The following CDH22 variants were observed in gnomAD, a reference collection of about 807,000 sequenced individuals.
CDH22 encodes the protein cadherin 22.
In CDH22, 30 loss-of-function variants were observed where a neutral mutation model predicts 58.4. The ratio of observed to expected loss-of-function variants is 0.51; its 90% CI spans 0.38 to 0.70. The LOEUF (loss-of-function observed/expected upper bound fraction) is 0.70, where lower values mean the gene tolerates loss of function less well. Among genes scored for constraint, CDH22 ranks in the 30% least tolerant of loss-of-function variants. The pLI is 0.00. For synonymous variants in CDH22, 513 were observed against 558.2 expected (o/e 0.92, Z 1.14); for missense variants, 1,014 against 1,233.9 (o/e 0.82, Z 2.67).
intron 10 of CDH22, among the ~76,000 whole-genome samples, chr20:46,186,215 A>G (rs901880221): frequency 6.6e-6 from 1 of 151,434 alleles, no homozygotes; most frequent in African/African-American, 2.4e-5. Context: ...AAAAAAAAAA[A>G]AAAAAATCAA....
intron 7 of CDH22, among the ~76,000 whole-genome samples, chr20:46,206,816 T>C (rs755991642): frequency 6.6e-6 from 1 of 152,208 alleles, no homozygotes; most frequent in Non-Finnish European, 1.5e-5. Context: ...TGTTTTATCA[T>C]CTCTGCTTCC....
rs145352166 is a variant in CDH22, at chr20:46,240,470, C to T, written c.550+493G>A. Among the ~76,000 whole-genome samples, 172 of 152,042 alleles carry T rather than the reference C, an allele frequency of 1.1e-3. 1 individual carries two copies. The highest frequency in any genetic ancestry group is 4.0e-3 in the African/African-American group (165 of 41,460). ...GTGTGGAGGTTGTTGCCAAGGGCTG[C>T]GCTGTGTCTATGTGCAGTTGAACTT... On this transcript the variant is annotated intron_variant, in intron 3 of 11. Transcript: ENST00000537909.
In CDH22 at chr20:46,216,531, G is replaced by A. The variant is rs1488779255; in HGVS notation, c.838+295C>T. Reference sequence around the variant, plus strand: ...GGGGTTGGAGGATGGACGGAAGGGTGGATGGGTGGGGCTCCCCCTCTGCCG... The same window carrying A: ...GGGGTTGGAGGATGGACGGAAGGGTAGATGGGTGGGGCTCCCCCTCTGCCG... On this transcript the variant is annotated intron_variant, in intron 5 of 11. Coordinates refer to ENST00000537909, the MANE Select transcript of CDH22 (RefSeq NM_021248.3). This position sits in a 1 kb window ranked among gnomAD's most constrained non-coding sequence, Gnocchi z 5.3. Among the ~76,000 whole-genome samples, 1 of 152,162 alleles carries A rather than the reference G, an allele frequency of 6.6e-6. No individual in the cohort carries two copies. The highest frequency in any genetic ancestry group is 1.5e-5 in the Non-Finnish European group (1 of 68,032).
At chr20:46,188,539 G>A (rs1319186925) in intron 8 of CDH22, among the ~76,000 whole-genome samples, 6 of 152,180 alleles carry the variant, frequency 3.9e-5, no homozygotes, top group Admixed American at 6.5e-5. Flanking sequence ...TTAATAGGTC[G>A]GTGAAGAGAC....
chr20:46,196,173 CT>C (rs1367350899), intron 8 of CDH22, among the ~76,000 whole-genome samples: 1 of 152,212 alleles, frequency 6.6e-6, no homozygotes, highest in African/African-American at 2.4e-5. Context: ...GGGGCCATCC[CT>C]GTTCTTCCCT....
intron 7 of CDH22, among the ~76,000 whole-genome samples, chr20:46,206,633 C>G (rs1338100612): frequency 1.3e-5 from 2 of 152,308 alleles, no homozygotes; most frequent in South Asian, 4.1e-4. Context: ...ATTCTGATCT[C>G]AGCTCATGTG....
chr20:46,232,028 C>T (rs1310759690), intron 3 of CDH22, among the ~76,000 whole-genome samples: 1 of 152,176 alleles, frequency 6.6e-6, no homozygotes, highest in Non-Finnish European at 1.5e-5. Flanking sequence ...GCTGTGCCTC[C>T]CTGAGTAGAA....
chr20:46,188,694 TCCCAG>T lies in CDH22; in HGVS notation c.1424-1752_1424-1748del, dbSNP rs1248792195. Among the ~76,000 whole-genome samples the T allele has an allele frequency of 2.0e-5, 3 of 152,314 alleles. No homozygotes were observed. In the East Asian group the frequency reaches 5.8e-4, roughly 29 times the overall value. ...TAATTCTAGGATGTGGAATACTTCA[TCCCAG>T]CCTGTCCTCTCTAAGCAGTGCCCTG... On this transcript the variant is annotated intron_variant, in intron 8 of 11. Transcript: ENST00000537909.
At chr20:46,185,495 G>A (rs925653317) in intron 10 of CDH22, among the ~76,000 whole-genome samples, 1 of 152,090 alleles carries the variant, frequency 6.6e-6, no homozygotes, top group Non-Finnish European at 1.5e-5. Flanking sequence ...TTCTCTCTTA[G>A]AGTCTCAGTT....
chr20:46,295,371 C>T (rs1272955089), intron 1 of CDH22, among the ~76,000 whole-genome samples: 1 of 152,248 alleles, frequency 6.6e-6, no homozygotes, highest in Non-Finnish European at 1.5e-5. Context: ...CCTGAGCTCT[C>T]CGCTGTCCAC....
At chr20:46,253,966 C>T (rs1299918465) in intron 1 of CDH22, among the ~76,000 whole-genome samples, 2 of 152,178 alleles carry the variant, frequency 1.3e-5, no homozygotes. Flanking sequence ...TTCTTTGTTT[C>T]TAACACCTTT....
chr20:46,187,758 C>T (rs1443331074), intron 8 of CDH22, among the ~76,000 whole-genome samples: 1 of 152,168 alleles, frequency 6.6e-6, no homozygotes, highest in African/African-American at 2.4e-5. Context: ...CTGCCATCCC[C>T]ACCCCCTCAC....
chr20:46,186,701 A>G lies in CDH22; in HGVS notation c.1550T>C (p.Ile517Thr). ...TCTGTCCACCACGCTGATGGTCTGG[A>G]TGAGCTGAAGGGTGAGGAGGGGATA... is the stretch of plus-strand genomic sequence containing the variant. ...VCEDAKPGQL[I>T]QTISVVDRDE... The change falls in exon 10 of 12, where the codon ATC becomes ACC. Residue 517 changes from isoleucine to threonine, a missense_variant. This residue lies in a region of CDH22 where 806 missense variants were observed against 1,038.7 expected (regional missense o/e 0.78). Coordinates refer to ENST00000537909, the MANE Select transcript of CDH22 (RefSeq NM_021248.3). 1 of 1,613,702 alleles carries G rather than the reference A, an allele frequency of 6.2e-7. No homozygotes were observed. The highest frequency in any genetic ancestry group is 8.5e-7 in the Non-Finnish European group (1 of 1,179,836).
chr20:46,252,439 C>G (rs1008891114), intron 1 of CDH22, among the ~76,000 whole-genome samples: 3 of 152,252 alleles, frequency 2.0e-5, no homozygotes, highest in Admixed American at 6.5e-5. Flanking sequence ...CCTGCCGTCC[C>G]CAGATCCATC....
chr20:46,198,483 C>G (rs891659224), intron 8 of CDH22, among the ~76,000 whole-genome samples: 3 of 151,556 alleles, frequency 2.0e-5, no homozygotes, highest in Non-Finnish European at 4.4e-5. Flanking sequence ...TCCTCCCCTC[C>G]TCTGTAGCTA....
chr20:46,189,244 G>C (rs1483774910), intron 8 of CDH22, among the ~76,000 whole-genome samples: 1 of 152,218 alleles, frequency 6.6e-6, no homozygotes, highest in Admixed American at 6.5e-5. Context: ...CCAGTGATTA[G>C]AGGGGGCTTT....
intron 7 of CDH22, among the ~76,000 whole-genome samples, chr20:46,202,290 T>C (rs1232756805): frequency 6.6e-6 from 1 of 151,820 alleles, no homozygotes; most frequent in Non-Finnish European, 1.5e-5. Context: ...TGCTCAAGGG[T>C]GTACAGCGAC....
chr20:46,175,104 G>A, intron 11 of CDH22, 27 bp from the exon 12 acceptor site: 1 of 1,564,838 alleles, frequency 6.4e-7, no homozygotes, highest in Non-Finnish European at 8.6e-7. Flanking sequence ...GGGGGCAACT[G>A]AGGGCCAAGC....
chr20:46,186,971 G>C, intron 8 of CDH22, 24 bp from the exon 9 acceptor site: 3 of 1,546,520 alleles, frequency 1.9e-6, no homozygotes, highest in East Asian at 2.3e-5. Context: ...ACAGGAGCAA[G>C]GGGAGAGGCA....
Sources: allele counts gnomAD v4.1 joint callset (sites outside exome capture counted in the v4.1 genomes callset), GRCh38; gene constraint gnomAD v4.1.1; regional missense constraint gnomAD v4.1.1; non-coding constraint Gnocchi (gnomAD v3.1); transcripts MANE v1.5; gene names NCBI Gene and HGNC (gene_info 2026-07-23, HGNC 2026-07-21).